The following HIVEP2 variants were observed in gnomAD, a reference collection of about 807,000 sequenced individuals.
HIVEP2 encodes the protein transcription factor HIVEP2.
A neutral mutation model predicts 180.7 loss-of-function variants in HIVEP2; 14 were observed. The ratio of observed to expected loss-of-function variants is 0.08; its 90% CI spans 0.05 to 0.12. HIVEP2 has a LOEUF of 0.12. Ranked by LOEUF, HIVEP2 falls within the 10% of genes least tolerant of loss-of-function variation. The pLI is 1.00. For missense variants in HIVEP2, 2,579 were observed against 3,008.5 expected (o/e 0.86, Z 3.34); for synonymous variants, 1,184 against 1,136.4 (o/e 1.04, Z -0.84).
chr6:142,786,438 A>T (rs1023529623), intron 2 of HIVEP2, among the ~76,000 whole-genome samples: 5 of 152,348 alleles, frequency 3.3e-5, no homozygotes, highest in Admixed American at 2.0e-4. Context: ...ATTATATTTC[A>T]CTTCACCACA....
chr6:142,775,823 G>T (rs1218486782), intron 4 of HIVEP2, among the ~76,000 whole-genome samples: 1 of 101,874 alleles, frequency 9.8e-6, no homozygotes. Flanking sequence ...GACAGAGCGA[G>T]ACTCCATCTC....
intron 1 of HIVEP2, among the ~76,000 whole-genome samples, chr6:142,839,622 G>T (rs116492258): frequency 1.3e-5 from 2 of 152,002 alleles, no homozygotes; most frequent in South Asian, 4.1e-4. Context: ...GTGGTCTACC[G>T]GGAGTAGTAC....
At chr6:142,839,588 G>A (rs1280619984) in intron 1 of HIVEP2, among the ~76,000 whole-genome samples, 1 of 152,100 alleles carries the variant, frequency 6.6e-6, no homozygotes, top group Admixed American at 6.6e-5. Flanking sequence ...ACAATGCTGG[G>A]CTTGAGTGAC....
intron 1 of HIVEP2, among the ~76,000 whole-genome samples, chr6:142,909,595 C>T (rs1201031692): frequency 1.3e-5 from 2 of 152,026 alleles, no homozygotes; most frequent in Non-Finnish European, 2.9e-5. Context: ...GCAAAAAAAC[C>T]AACTGCCTCT....
At chr6:142,881,609 G>A (rs1020358617) in intron 1 of HIVEP2, among the ~76,000 whole-genome samples, 1 of 152,084 alleles carries the variant, frequency 6.6e-6, no homozygotes, top group Non-Finnish European at 1.5e-5. Flanking sequence ...TCGAAAATAT[G>A]GTCTCTGAGG....
intron 1 of HIVEP2, among the ~76,000 whole-genome samples, chr6:142,905,375 G>A (rs1047764729): frequency 2.8e-4 from 43 of 151,884 alleles, no homozygotes; most frequent in African/African-American, 9.4e-4. Context: ...CATGATTTAG[G>A]TAATCAATAC....
intron 1 of HIVEP2, among the ~76,000 whole-genome samples, chr6:142,865,842 T>A (rs1342556930): frequency 6.6e-6 from 1 of 152,124 alleles, no homozygotes; most frequent in Non-Finnish European, 1.5e-5. Context: ...TATACAAGCT[T>A]TTTAATAATC....
At chr6:142,929,818 C>A (rs911246153) in intron 1 of HIVEP2, among the ~76,000 whole-genome samples, 1 of 152,124 alleles carries the variant, frequency 6.6e-6, no homozygotes, top group Non-Finnish European at 1.5e-5. Flanking sequence ...GTTTGGCTCT[C>A]CATGCTTCTG....
intron 2 of HIVEP2, among the ~76,000 whole-genome samples, chr6:142,794,273 CACAA>C (rs2114735323): frequency 6.6e-6 from 1 of 152,226 alleles, no homozygotes; most frequent in African/African-American, 2.4e-5. Flanking sequence ...ACAATATGTA[CACAA>C]ACAAACACAC....
At chr6:142,758,244 C>T (rs2114603016) in intron 9 of HIVEP2, among the ~76,000 whole-genome samples, 1 of 152,374 alleles carries the variant, frequency 6.6e-6, no homozygotes, top group African/African-American at 2.4e-5. Flanking sequence ...TGGTAAACAA[C>T]ATCCCAATTG....
At position 142,772,439 on chromosome 6, in the gene HIVEP2, G is replaced by T; in HGVS notation, c.2300C>A (p.Pro767His). The T allele has an allele frequency of 6.2e-7, 1 of 1,614,224 alleles. No homozygotes were observed. The change falls in exon 5 of 10, where the codon CCT becomes CAT. Residue 767 changes from proline to histidine, a missense_variant. This residue lies in a region of HIVEP2 where 524 missense variants were observed against 563.6 expected (regional missense o/e 0.93). Coordinates refer to ENST00000367603, the MANE Select transcript of HIVEP2 (RefSeq NM_006734.4). The surrounding 1 kb of genome is among the most constrained non-coding windows in gnomAD (Gnocchi z 4.9). ...CTCTGACACAAGAGATGGACTTCCA[G>T]GCTGCAGTTGGGGCCGACATGGGTC... ...RFDPCRPQLQ[P>H]GSPSLVSEES...
intron 2 of HIVEP2, among the ~76,000 whole-genome samples, chr6:142,802,900 C>T (rs1432025330): frequency 6.6e-6 from 1 of 152,038 alleles, no homozygotes; most frequent in Admixed American, 6.6e-5. Flanking sequence ...CTAGACTTTA[C>T]AACATAAAAT....
intron 1 of HIVEP2, among the ~76,000 whole-genome samples, chr6:142,937,850 G>T (rs946298005): frequency 6.6e-6 from 1 of 152,184 alleles, no homozygotes; most frequent in Non-Finnish European, 1.5e-5. Flanking sequence ...TCTCAGGTTG[G>T]TTGTGAGGGC....
chr6:142,786,479 TTAA>T (rs1279109217), intron 2 of HIVEP2, among the ~76,000 whole-genome samples: 1 of 152,230 alleles, frequency 6.6e-6, no homozygotes, highest in African/African-American at 2.4e-5. Flanking sequence ...AACCTGCAGG[TTAA>T]TGGAAGAGAC....
chr6:142,753,196 T>C lies in HIVEP2; in HGVS notation c.7252A>G (p.Lys2418Glu). 1 of 1,613,908 alleles carries C rather than the reference T, an allele frequency of 6.2e-7. No individual in the cohort carries two copies. The highest frequency in any genetic ancestry group is 1.6e-4 in the Middle Eastern group (1 of 6,062). Residue 2418 changes from lysine to glutamate, a missense_variant, in exon 10 of 10, where the codon AAG (lysine) becomes GAG (glutamate). By Grantham distance (56) the Lys-to-Glu change is moderately conservative. Around this residue, in one of 11 missense-constraint regions of HIVEP2, gnomAD observed 660 missense variants for 731.7 expected, o/e 0.90. Transcript: ENST00000367603. ...TFYSKSCVDD[K>E]QLDFHSSKEL... ...TTGCTGCTGTGAAAGTCCAACTGCT[T>C]GTCATCCACACAACTCTTGCTGTAA...
At chr6:142,788,548 A>C (rs1021486058) in intron 2 of HIVEP2, 7 of 152,214 alleles carry the variant, frequency 4.6e-5, no homozygotes, top group African/African-American at 1.7e-4. Context: ...CCCTGTTTCT[A>C]CTAAAAATAC....
At chr6:142,944,888 A>AC in intron 1 of HIVEP2, 1 of 152,196 alleles carries the variant, frequency 6.6e-6, no homozygotes, top group Middle Eastern at 3.4e-3. Context: ...CTCCGCCTGA[A>AC]CCTTCCATCG....
chr6:142,921,698 G>A (rs2128434618), intron 1 of HIVEP2, among the ~76,000 whole-genome samples: 1 of 152,274 alleles, frequency 6.6e-6, no homozygotes, highest in East Asian at 1.9e-4. Flanking sequence ...TCTAAGTCAG[G>A]CCATGTATTA....
intron 1 of HIVEP2, among the ~76,000 whole-genome samples, chr6:142,859,287 G>C (rs1386749697): frequency 6.6e-6 from 1 of 152,016 alleles, no homozygotes; most frequent in Non-Finnish European, 1.5e-5. Context: ...GGGCAACAAA[G>C]GGAGACTCCG....
Sources: allele counts gnomAD v4.1 joint callset (sites outside exome capture counted in the v4.1 genomes callset), GRCh38; gene constraint gnomAD v4.1.1; regional missense constraint gnomAD v4.1.1; non-coding constraint Gnocchi (gnomAD v3.1); transcripts MANE v1.5; gene names NCBI Gene and HGNC (gene_info 2026-07-23, HGNC 2026-07-21).